ASIP: variants seen among roughly 807,000 people sequenced by gnomAD.
ASIP encodes the protein agouti-signaling protein.
Under a neutral mutation model 10.3 loss-of-function variants are expected in ASIP, and 11 were observed. The ratio of observed to expected loss-of-function variants is 1.07; its 90% CI spans 0.68 to 1.78. ASIP has a LOEUF of 1.78. ASIP is among the 40% of genes most tolerant of loss of function. The probability of loss-of-function intolerance (pLI) is 0.00; values close to 1 mark genes in which losing one functional copy is unlikely to be tolerated. For missense variants in ASIP, 180 were observed against 169.2 expected, an observed-to-expected ratio of 1.06 and a Z score of -0.35; for synonymous variants, 70 against 70.8, an observed-to-expected ratio of 0.99 and a Z score of 0.06.
At chr20:34,264,344 C>T (rs1287410581) in intron 3 of ASIP, among the ~76,000 whole-genome samples, 1 of 152,194 alleles carries the variant, frequency 6.6e-6, no homozygotes, top group East Asian at 1.9e-4. Flanking sequence ...CGAGTACGTG[C>T]TTACAACGCT....
chr20:34,269,075 C>T lies in ASIP; in HGVS notation c.307C>T (p.Pro103Ser). The T allele has an allele frequency of 6.3e-7, 1 of 1,576,990 alleles. No individual in the cohort carries two copies. The highest frequency in any genetic ancestry group is 8.6e-7 in the Non-Finnish European group (1 of 1,161,628). ...CVATRNSCKP[P>S]APACCDPCAS... is the part of the protein sequence containing the mutation. ...GGCCACCCGCAACAGCTGCAAGCCG[C>T]CGGCACCCGCCTGCTGCGACCCGTG... The change falls in exon 4 of 4, where the codon CCG (proline) becomes TCG (serine). Residue 103 changes from proline (P) to serine (S), a missense_variant. Pro to Ser is a moderately conservative substitution (Grantham distance 74). Transcript: ENST00000374954.
chr20:34,267,034 C>A (rs1185920006), intron 3 of ASIP, among the ~76,000 whole-genome samples: 2 of 152,132 alleles, frequency 1.3e-5, no homozygotes, highest in Admixed American at 6.5e-5. Context: ...CTTTTCTAGG[C>A]CTATTTTGTT....
chr20:34,225,197 AC>A (rs1166818452), intron 1 of ASIP, among the ~76,000 whole-genome samples: 1 of 150,410 alleles, frequency 6.6e-6, no homozygotes, highest in Admixed American at 6.7e-5. Context: ...GCGTGCCACC[AC>A]CCCCGGCTAA....
At chr20:34,250,231 T>A (rs1391717063) in intron 1 of ASIP, 2 of 152,320 alleles carry the variant, frequency 1.3e-5, no homozygotes, top group African/African-American at 4.8e-5. Context: ...CTGCCTTGAC[T>A]AGTGCCACTA....
At chr20:34,207,935 G>A (rs931181704) in intron 1 of ASIP, among the ~76,000 whole-genome samples, 9 of 151,938 alleles carry the variant, frequency 5.9e-5, no homozygotes, top group Middle Eastern at 3.4e-3. Flanking sequence ...GACTACAGGC[G>A]CCCACCACCA....
chr20:34,246,140 G>A, intron 1 of ASIP: 1 of 967,390 alleles, frequency 1.0e-6, no homozygotes. Context: ...TTCAAAAGTT[G>A]CAAGGCCACA....
At chr20:34,201,017 C>CTTCT (rs1215561275) in intron 1 of ASIP, among the ~76,000 whole-genome samples, 1,396 of 63,182 alleles carry the variant, frequency 0.022, 37 homozygotes, top group Middle Eastern at 0.046. Flanking sequence ...TCCTTCCTTC[C>CTTCT]TTCTTTCTTT....
intron 1 of ASIP, among the ~76,000 whole-genome samples, chr20:34,195,875 G>T (rs181436552): frequency 6.6e-6 from 1 of 151,940 alleles, no homozygotes; most frequent in Non-Finnish European, 1.5e-5. Context: ...ACTGTCCAGC[G>T]CAGTAACCCC....
In ASIP at chr20:34,264,340, C is replaced by T. The variant is rs1212874119; in HGVS notation, c.222+1447C>T. Among the ~76,000 whole-genome samples, 6 of 152,174 alleles carry T rather than the reference C, an allele frequency of 3.9e-5. No individual in the cohort carries two copies. The East Asian group carries it at 5.8e-4, about 15-fold the overall frequency. ...GCGGCATGCTCAGGTGTTGCGAGTACGTGCTTACAACGCTCTGTGAGCTAA... is the reference window on the plus strand; with the variant it reads ...GCGGCATGCTCAGGTGTTGCGAGTATGTGCTTACAACGCTCTGTGAGCTAA... On this transcript the variant is annotated intron_variant, in intron 3 of 3. Transcript: ENST00000374954.
At chr20:34,225,552 AT>A (rs2035087018) in intron 1 of ASIP, among the ~76,000 whole-genome samples, 2 of 152,022 alleles carry the variant, frequency 1.3e-5, no homozygotes, top group African/African-American at 4.8e-5. Flanking sequence ...TTCACATGTA[AT>A]TTACAAAAAA....
At chr20:34,200,948 TTTTCTTTCTTTC>T (rs1180213511) in intron 1 of ASIP, among the ~76,000 whole-genome samples, 1 of 140,872 alleles carries the variant, frequency 7.1e-6, no homozygotes, top group African/African-American at 2.8e-5. Flanking sequence ...TCAAACTTGA[TTTTCTTTCTTTC>T]TTTCTTTCTT....
At chr20:34,203,632 A>T (rs1054599515) in intron 1 of ASIP, among the ~76,000 whole-genome samples, 1 of 151,348 alleles carries the variant, frequency 6.6e-6, no homozygotes, top group Non-Finnish European at 1.5e-5. Context: ...CCTAACTTCA[A>T]GTGATCCTCC....
chr20:34,202,732 A>G (rs956704483), intron 1 of ASIP, among the ~76,000 whole-genome samples: 4 of 151,346 alleles, frequency 2.6e-5, no homozygotes, highest in Non-Finnish European at 5.9e-5. Flanking sequence ...TAACTTTGCA[A>G]TAAGTTTTGA....
At chr20:34,202,509 T>C (rs1601569748) in intron 1 of ASIP, among the ~76,000 whole-genome samples, 1 of 152,228 alleles carries the variant, frequency 6.6e-6, no homozygotes, top group South Asian at 2.1e-4. Flanking sequence ...CTGGAATTGA[T>C]TTTCAGGTAT....
the ASIP span, among the ~76,000 whole-genome samples, chr20:34,189,061 G>C: frequency 6.6e-6 from 1 of 152,030 alleles, no homozygotes; most frequent in African/African-American, 2.4e-5. Flanking sequence ...TGACACTATC[G>C]AGTGCTGTCA....
At chr20:34,212,257 G>A (rs1320068280) in intron 1 of ASIP, among the ~76,000 whole-genome samples, 1 of 152,056 alleles carries the variant, frequency 6.6e-6, no homozygotes, top group African/African-American at 2.4e-5. Flanking sequence ...AAGAAAAATT[G>A]CAACAACTCC....
intron 1 of ASIP, among the ~76,000 whole-genome samples, chr20:34,205,460 C>A (rs1351467906): frequency 6.6e-6 from 1 of 151,546 alleles, no homozygotes; most frequent in Non-Finnish European, 1.5e-5. Flanking sequence ...TGCAGACCTT[C>A]TCGGTGAGTG....
chr20:34,245,769 T>TA (rs1277525769), intron 1 of ASIP, among the ~76,000 whole-genome samples: 1 of 151,690 alleles, frequency 6.6e-6, no homozygotes, highest in Non-Finnish European at 1.5e-5. Context: ...CTTTGGCAAT[T>TA]AAAAAAACAA....
At chr20:34,205,827 G>A (rs1331469461) in intron 1 of ASIP, among the ~76,000 whole-genome samples, 8 of 145,676 alleles carry the variant, frequency 5.5e-5, no homozygotes, top group African/African-American at 1.7e-4. Flanking sequence ...TAGACACAGA[G>A]CGCTGATTGG....
Sources: allele counts gnomAD v4.1 joint callset (sites outside exome capture counted in the v4.1 genomes callset), GRCh38; gene constraint gnomAD v4.1.1; transcripts MANE v1.5; gene names NCBI Gene and HGNC (gene_info 2026-07-23, HGNC 2026-07-21).